The following MCTP2 variants were observed in gnomAD, a reference collection of about 807,000 sequenced individuals.
MCTP2 encodes the protein multiple C2 and transmembrane domain containing 2.
MCTP2 carries 132 observed loss-of-function variants against 111.6 expected under a neutral mutation model. That is an observed-to-expected ratio of 1.18 (90% CI 1.03 to 1.37). The LOEUF is 1.37. MCTP2 is among the 40% of genes most tolerant of loss of function. The probability of loss-of-function intolerance (pLI) is 0.00; values close to 1 mark genes in which losing one functional copy is unlikely to be tolerated. For missense variants in MCTP2, 1,183 were observed against 1,067.9 expected, an observed-to-expected ratio of 1.11 and a Z score of -1.50; for synonymous variants, 395 against 387.7, an observed-to-expected ratio of 1.02 and a Z score of -0.22.
At chr15:94,473,342 G>A (rs2074084084) in intron 21 of MCTP2, among the ~76,000 whole-genome samples, 1 of 152,178 alleles carries the variant, frequency 6.6e-6, no homozygotes, top group Admixed American at 6.5e-5. Context: ...GAGCCTGCAA[G>A]CTTAATACCT....
chr15:94,423,931 C>A (rs774421268), intron 17 of MCTP2, among the ~76,000 whole-genome samples: 3 of 152,160 alleles, frequency 2.0e-5, no homozygotes, highest in African/African-American at 4.8e-5. Flanking sequence ...TACCTACTGC[C>A]CCACTTACAA....
intron 1 of MCTP2, among the ~76,000 whole-genome samples, chr15:94,251,378 G>A (rs1023813685): frequency 2.1e-5 from 3 of 145,670 alleles, no homozygotes; most frequent in African/African-American, 7.7e-5. Context: ...TTTTTTTTGA[G>A]ACGGAGTTTC....
At chr15:94,360,069 A>G (rs995279798) in intron 10 of MCTP2, among the ~76,000 whole-genome samples, 1 of 152,194 alleles carries the variant, frequency 6.6e-6, no homozygotes, top group Admixed American at 6.5e-5. Context: ...ACACATGCAC[A>G]CACAGCATCC....
intron 14 of MCTP2, among the ~76,000 whole-genome samples, chr15:94,387,550 A>G (rs1182576762): frequency 6.6e-6 from 1 of 152,224 alleles, no homozygotes; most frequent in African/African-American, 2.4e-5. Flanking sequence ...CAGATTGGTC[A>G]TAAGCTGCCT....
rs202000611 is a variant in MCTP2 at position 94,315,584 on chromosome 15, T to C, written c.584T>C (p.Leu195Pro). The change falls in exon 4 of 23, where the codon CTC becomes CCC. Residue 195 changes from leucine to proline, a missense_variant. Leu to Pro is a moderately conservative substitution (Grantham distance 98). Transcript: ENST00000357742. ...AACCTCCCCAGCCCTTTTGCGTACC[T>C]CCTCACCATACACCTGAAGGAAGGC... is the stretch of plus-strand genomic sequence containing the variant. ...LSNLPSPFAY[L>P]LTIHLKEGRN... 1 of 1,614,122 alleles carries C rather than the reference T, an allele frequency of 6.2e-7. No homozygotes were observed. Among genetic ancestry groups the C allele is most frequent in the South Asian group, 1.1e-5 (1 of 91,078 alleles).
intron 2 of MCTP2, among the ~76,000 whole-genome samples, chr15:94,300,509 C>CAAAAAAAA (rs34484349): frequency 4.0e-5 from 5 of 126,358 alleles, no homozygotes; most frequent in African/African-American, 1.5e-4. Context: ...GACTCTGTCT[C>CAAAAAAAA]AAAAAAAAAA....
At position 94,427,122 on chromosome 15, in the gene MCTP2, C is replaced by G. The variant is rs1460675560; in HGVS notation, c.2086-13054C>G. On this transcript the variant is annotated intron_variant, in intron 17 of 22. Transcript: ENST00000357742. ...AATGTAGAATGTCCAGCTTGACTGT[C>G]TGCTATTCTTTTTTTATCCTCTATG... Among the ~76,000 whole-genome samples the G allele has an allele frequency of 2.0e-5, 3 of 152,260 alleles. No homozygotes were observed. The East Asian group carries it at 5.8e-4, about 29-fold the overall frequency.
intron 17 of MCTP2, among the ~76,000 whole-genome samples, chr15:94,422,125 G>T (rs2082655292): frequency 6.6e-6 from 1 of 152,146 alleles, no homozygotes; most frequent in South Asian, 2.1e-4. Flanking sequence ...TTGATACTTG[G>T]TGTGTTCAGT....
chr15:94,394,286 T>G (rs532659933), intron 14 of MCTP2, among the ~76,000 whole-genome samples: 57 of 152,066 alleles, frequency 3.7e-4, no homozygotes, highest in African/African-American at 1.3e-3. Context: ...TCCTTCTGCT[T>G]GTATTGGAGG....
intron 2 of MCTP2, 132 bp downstream of exon 2, chr15:94,298,862 CTCTCTCTCTCCCCCTCCCCCCTCTT>C (rs2075419829): frequency 1.1e-5 from 4 of 369,076 alleles, no homozygotes; most frequent in Non-Finnish European, 1.8e-5. Context: ...CTCCCCCTCC[CTCTCTCTCTCCCCCTCCCCCCTCTT>C]TCTCTCTCTC....
intron 12 of MCTP2, among the ~76,000 whole-genome samples, chr15:94,374,346 A>C (rs760541774): frequency 7.2e-5 from 11 of 152,240 alleles, no homozygotes; most frequent in Non-Finnish European, 1.3e-4. Flanking sequence ...GAGATCAGCC[A>C]ATGAAGAGTA....
intron 1 of MCTP2, among the ~76,000 whole-genome samples, chr15:94,268,269 C>T (rs2073699200): frequency 6.6e-6 from 1 of 151,536 alleles, no homozygotes; most frequent in African/African-American, 2.4e-5. Context: ...CAACCTCCGC[C>T]TCCTGGGTTC....
intron 19 of MCTP2, among the ~76,000 whole-genome samples, chr15:94,448,189 C>T (rs2084233657): frequency 6.6e-6 from 1 of 152,178 alleles, no homozygotes; most frequent in Admixed American, 6.5e-5. Context: ...AATGTTTTGA[C>T]TTGATAACCT....
At chr15:94,279,306 G>A (rs1373262414) in intron 1 of MCTP2, among the ~76,000 whole-genome samples, 1 of 152,052 alleles carries the variant, frequency 6.6e-6, no homozygotes, top group Non-Finnish European at 1.5e-5. Flanking sequence ...GCAGTGTTTT[G>A]TAATTCTTGT....
intron 1 of MCTP2, among the ~76,000 whole-genome samples, chr15:94,286,358 TC>T (rs2074754570): frequency 6.6e-6 from 1 of 152,200 alleles, no homozygotes; most frequent in South Asian, 2.1e-4. Context: ...TTATTCTTTT[TC>T]CCTCATGTTA....
At chr15:94,417,924 T>C (rs2082448953) in intron 17 of MCTP2, among the ~76,000 whole-genome samples, 1 of 152,138 alleles carries the variant, frequency 6.6e-6, no homozygotes, top group African/African-American at 2.4e-5. Context: ...AGGCTTAATG[T>C]GAACTTACTG....
At chr15:94,384,860 G>C (rs1293978224) in intron 13 of MCTP2, among the ~76,000 whole-genome samples, 1 of 152,156 alleles carries the variant, frequency 6.6e-6, no homozygotes, top group Admixed American at 6.5e-5. Flanking sequence ...AGATATAAGA[G>C]TCTCTTGTTT....
At chr15:94,457,923 C>G (rs1349299694) in intron 19 of MCTP2, among the ~76,000 whole-genome samples, 1 of 152,126 alleles carries the variant, frequency 6.6e-6, no homozygotes. Flanking sequence ...AATGAGGTAG[C>G]AACTGAGGCT....
chr15:94,449,569 C>T (rs1305853832), intron 19 of MCTP2, among the ~76,000 whole-genome samples: 1 of 152,150 alleles, frequency 6.6e-6, no homozygotes, highest in African/African-American at 2.4e-5. Flanking sequence ...AAAATTACAA[C>T]CATAAACAAG....
Sources: gnomAD v4.1 joint callset for allele counts (sites outside exome capture counted in the v4.1 genomes callset) on GRCh38, gnomAD v4.1.1 for gene constraint, MANE v1.5 for transcripts, NCBI Gene and HGNC (gene_info 2026-07-23, HGNC 2026-07-21) for gene names.